PTPRD: variants seen among roughly 807,000 people sequenced by gnomAD.
The protein encoded by PTPRD is protein tyrosine phosphatase receptor type D, also known as receptor-type tyrosine-protein phosphatase delta.
PTPRD carries 34 observed loss-of-function variants against 214.5 expected under a neutral mutation model. That is an observed-to-expected ratio of 0.16 (90% confidence interval 0.12 to 0.21). PTPRD has a LOEUF of 0.21. Ranked by LOEUF, PTPRD falls within the 10% of genes least tolerant of loss-of-function variation. The pLI, the probability that PTPRD is intolerant of heterozygous loss-of-function variation, is 1.00. For synonymous variants in PTPRD, 1,128 were observed against 845.7 expected (o/e 1.33, Z -5.79); for missense variants, 2,545 against 2,398.7 (o/e 1.06, Z -1.27).
At chr9:10,034,407 C>CTTTT (rs56827836) in intron 3 of PTPRD, among the ~76,000 whole-genome samples, 44 of 89,468 alleles carry the variant, frequency 4.9e-4, no homozygotes, top group Admixed American at 9.2e-4. Flanking sequence ...CCTGGCTCTA[C>CTTTT]TTTTTTTTTT....
intron 2 of PTPRD, among the ~76,000 whole-genome samples, chr9:10,535,915 C>G (rs1157390380): frequency 2.0e-5 from 3 of 152,140 alleles, no homozygotes; most frequent in African/African-American, 7.2e-5. Flanking sequence ...AGGTTTCACA[C>G]AGGTATGCTT....
At chr9:9,631,218 TAAATAAAAAG>T (rs2095580809) in intron 7 of PTPRD, among the ~76,000 whole-genome samples, 1 of 105,884 alleles carries the variant, frequency 9.4e-6, no homozygotes, top group South Asian at 2.7e-4. Context: ...AATAAATAAA[TAAATAAAAAG>T]AAAAAGAAAA....
chr9:9,317,335 T>C (rs1963799825), intron 9 of PTPRD, among the ~76,000 whole-genome samples: 1 of 152,192 alleles, frequency 6.6e-6, no homozygotes, highest in Non-Finnish European at 1.5e-5. Context: ...ATATCTCTTT[T>C]CCCTTGGAAG....
At chr9:9,625,803 G>A (rs1218163022) in intron 7 of PTPRD, among the ~76,000 whole-genome samples, 1 of 152,148 alleles carries the variant, frequency 6.6e-6, no homozygotes, top group African/African-American at 2.4e-5. Flanking sequence ...ACAGTTAATT[G>A]TAGAAAGAAT....
intron 9 of PTPRD, among the ~76,000 whole-genome samples, chr9:9,245,422 C>T (rs142954370): frequency 0.061 from 9,272 of 152,100 alleles, 316 homozygotes; most frequent in South Asian, 0.081. Context: ...ATATACACCA[C>T]GGAGTACTAT....
intron 14 of PTPRD, among the ~76,000 whole-genome samples, chr9:8,564,838 A>G (rs1359961034): frequency 6.6e-6 from 1 of 152,182 alleles, no homozygotes; most frequent in Non-Finnish European, 1.5e-5. Flanking sequence ...ATTGGAGGGA[A>G]GAGTCTAAGA....
chr9:9,552,598 T>C (rs959304019), intron 8 of PTPRD, among the ~76,000 whole-genome samples: 1 of 152,082 alleles, frequency 6.6e-6, no homozygotes, highest in Non-Finnish European at 1.5e-5. Context: ...ACTTCTTCTG[T>C]CTAATGACCT....
At chr9:9,891,761 G>A (rs2073422730) in intron 5 of PTPRD, among the ~76,000 whole-genome samples, 1 of 151,936 alleles carries the variant, frequency 6.6e-6, no homozygotes, top group Non-Finnish European at 1.5e-5. Flanking sequence ...TATGTACATA[G>A]GCACATAAAA....
intron 9 of PTPRD, among the ~76,000 whole-genome samples, chr9:9,223,701 T>A (rs1021003647): frequency 6.6e-6 from 1 of 151,978 alleles, no homozygotes; most frequent in African/African-American, 2.4e-5. Flanking sequence ...AAAAACAGGA[T>A]AAAACCAACA....
intron 3 of PTPRD, among the ~76,000 whole-genome samples, chr9:10,045,836 G>A (rs1353658187): frequency 6.6e-6 from 1 of 151,710 alleles, no homozygotes; most frequent in Non-Finnish European, 1.5e-5. Context: ...TTCATCAAAT[G>A]ATTTTTTTAA....
intron 7 of PTPRD, among the ~76,000 whole-genome samples, chr9:9,654,796 T>G (rs968768152): frequency 8.5e-5 from 13 of 152,152 alleles, no homozygotes; most frequent in Non-Finnish European, 1.6e-4. Context: ...GTTTGTTTAT[T>G]AAGTGTATAA....
chr9:10,397,475 T>C (rs929723226), intron 2 of PTPRD, among the ~76,000 whole-genome samples: 2 of 151,964 alleles, frequency 1.3e-5, no homozygotes, highest in African/African-American at 4.8e-5. Context: ...CAAGGCAAAA[T>C]GGAAAATAAT....
intron 5 of PTPRD, among the ~76,000 whole-genome samples, chr9:9,910,599 T>C (rs1267497417): frequency 1.3e-5 from 2 of 152,046 alleles, no homozygotes; most frequent in Non-Finnish European, 2.9e-5. Context: ...TATAAGTGTG[T>C]TGCTTCAATT....
At chr9:8,677,980 G>A (rs1373392174) in intron 12 of PTPRD, among the ~76,000 whole-genome samples, 1 of 152,098 alleles carries the variant, frequency 6.6e-6, no homozygotes, top group Non-Finnish European at 1.5e-5. Context: ...GTGGGTGCAG[G>A]CCTGCAGGCT....
At chr9:9,564,508 C>T (rs1373894796) in intron 8 of PTPRD, among the ~76,000 whole-genome samples, 2 of 152,006 alleles carry the variant, frequency 1.3e-5, no homozygotes, top group Admixed American at 6.6e-5. Flanking sequence ...GGCTGAGGTT[C>T]GTGAATTCAC....
At chr9:10,333,001 T>A (rs1040783007) in intron 3 of PTPRD, among the ~76,000 whole-genome samples, 1 of 151,912 alleles carries the variant, frequency 6.6e-6, no homozygotes, top group African/African-American at 2.4e-5. Context: ...AAGAAAGATA[T>A]TTTTTAATCT....
At chr9:8,756,124 G>C (rs773836549) in intron 11 of PTPRD, among the ~76,000 whole-genome samples, 1 of 152,142 alleles carries the variant, frequency 6.6e-6, no homozygotes, top group Non-Finnish European at 1.5e-5. Flanking sequence ...AATCAGTGTA[G>C]TGCAAACAAA....
At chr9:9,429,997 A>C (rs892456526) in intron 8 of PTPRD, among the ~76,000 whole-genome samples, 1 of 152,186 alleles carries the variant, frequency 6.6e-6, no homozygotes, top group Non-Finnish European at 1.5e-5. Context: ...GGCACAAGAC[A>C]GGGATGCCCT....
intron 3 of PTPRD, among the ~76,000 whole-genome samples, chr9:10,101,846 A>G (rs1199726609): frequency 2.0e-5 from 3 of 151,644 alleles, no homozygotes; most frequent in Non-Finnish European, 3.0e-5. Flanking sequence ...AACAATTGCA[A>G]ATCCATTCTG....
Sources: allele counts gnomAD v4.1 joint callset (sites outside exome capture counted in the v4.1 genomes callset), GRCh38; gene constraint gnomAD v4.1.1; transcripts MANE v1.5; gene names NCBI Gene and HGNC (gene_info 2026-07-23, HGNC 2026-07-21).